TMOD3: variants seen among roughly 807,000 people sequenced by gnomAD.
TMOD3 encodes tropomodulin 3, also known as tropomodulin-3.
A neutral mutation model predicts 39.2 loss-of-function variants in TMOD3; 20 were observed. The observed-to-expected ratio is 0.51, with a 90% CI of 0.36 to 0.74. The LOEUF (loss-of-function observed/expected upper bound fraction) is 0.74. Among genes scored for constraint, TMOD3 ranks in the 30% least tolerant of loss-of-function variants. The pLI is 0.00. For missense variants in TMOD3, 381 were observed against 412.8 expected (o/e 0.92, Z 0.67); for synonymous variants, 143 against 145.8 (o/e 0.98, Z 0.14).
At chr15:51,871,294 A>G (rs1860173990) in intron 3 of TMOD3, among the ~76,000 whole-genome samples, 1 of 152,150 alleles carries the variant, frequency 6.6e-6, no homozygotes, top group Non-Finnish European at 1.5e-5. Context: ...AAAGAAAACT[A>G]CTGGTTATAT....
At chr15:51,899,235 T>C (rs1342606934) in intron 7 of TMOD3, 1 of 152,240 alleles carries the variant, frequency 6.6e-6, no homozygotes. Flanking sequence ...TTGATGAAGT[T>C]GGTCTAACAC....
chr15:51,891,802 C>T (rs2056594929), intron 5 of TMOD3, among the ~76,000 whole-genome samples: 1 of 152,298 alleles, frequency 6.6e-6, no homozygotes, highest in South Asian at 2.1e-4. Flanking sequence ...TGAGAGGGAT[C>T]CCACTCTCTG....
rs1049199391 is a variant in TMOD3, at chr15:51,913,974, C to T, written c.*5164C>T. On this transcript the variant is annotated 3_prime_UTR_variant, in exon 10 of 10. Transcript: ENST00000308580. ...GTTGCAGTAAGATGAGATCATGCTG[C>T]TGTACTCTAGCCTGGGCAATGAGAG... The T allele has an allele frequency of 7.0e-6, 1 of 143,602 alleles. No individual in the cohort carries two copies. The highest frequency in any genetic ancestry group is 2.6e-5 in the African/African-American group (1 of 38,528). The allele number at this position is 143,602 out of a possible 1,614,324, so 8.9% of individuals were successfully genotyped here.
At chr15:51,882,084 G>A (rs181378187) in intron 3 of TMOD3, among the ~76,000 whole-genome samples, 9 of 151,680 alleles carry the variant, frequency 5.9e-5, no homozygotes, top group African/African-American at 2.4e-5. Flanking sequence ...TAGTAGAGGC[G>A]TGGTGTCACC....
At chr15:51,895,279 C>A (rs979755183) in intron 6 of TMOD3, among the ~76,000 whole-genome samples, 1 of 148,212 alleles carries the variant, frequency 6.7e-6, no homozygotes, top group Admixed American at 6.8e-5. Context: ...TGCAGTGGTG[C>A]GATCTTGGCT....
Position 51,908,765 on chromosome 15 carries a change from T to C in TMOD3, c.1025-11T>C, listed in dbSNP as rs1227613345. On this transcript the variant is annotated splice_polypyrimidine_tract_variant and intron_variant, in intron 9 of 9. Coordinates refer to ENST00000308580, the MANE Select transcript of TMOD3 (RefSeq NM_014547.5). ...GGATTTCTAACATAGTTTCTTTTAT[T>C]TTTCTCATAGTGCGTAAGAGACGAG... is the stretch of plus-strand genomic sequence containing the variant. 6.3e-7 allele frequency: 1 copy of C among 1,592,530 alleles called. No individual in the cohort carries two copies. The highest frequency in any genetic ancestry group is 8.5e-7 in the Non-Finnish European group (1 of 1,172,164).
chr15:51,902,655 T>C (rs2959286), intron 9 of TMOD3, among the ~76,000 whole-genome samples: 34 of 127,604 alleles, frequency 2.7e-4, no homozygotes, highest in Admixed American at 2.1e-3. Flanking sequence ...TTTTTTTTTT[T>C]TTTTTTTTTT....
intron 1 of TMOD3, among the ~76,000 whole-genome samples, chr15:51,855,154 T>A (rs2141678375): frequency 6.6e-6 from 1 of 152,316 alleles, no homozygotes; most frequent in Non-Finnish European, 1.5e-5. Context: ...TTCGAAGACT[T>A]TTGAGTTAAA....
chr15:51,894,647 A>G lies in TMOD3; in HGVS notation c.627+702A>G, dbSNP rs558701619. Among the ~76,000 whole-genome samples, 9 of 152,256 alleles carry G rather than the reference A, an allele frequency of 5.9e-5. No homozygotes were observed. In the Middle Eastern group the frequency reaches 0.014, roughly 232 times the overall value. ...TTCCCTATTATTTTGCCTTCTCCAG[A>G]ATGTCATATAAATTGAATCCTATAG... On this transcript the variant is annotated intron_variant, in intron 6 of 9. Coordinates refer to ENST00000308580, the MANE Select transcript of TMOD3 (RefSeq NM_014547.5).
At chr15:51,880,672 T>C (rs1272623691) in intron 3 of TMOD3, among the ~76,000 whole-genome samples, 3 of 152,238 alleles carry the variant, frequency 2.0e-5, no homozygotes, top group Non-Finnish European at 4.4e-5. Flanking sequence ...TTCATTCTTT[T>C]TTATGGCTGA....
At chr15:51,907,432 C>G (rs143152994) in intron 9 of TMOD3, 1 of 152,192 alleles carries the variant, frequency 6.6e-6, no homozygotes, top group African/African-American at 2.4e-5. Flanking sequence ...AGCAAGCACC[C>G]AGCCTATGGC....
chr15:51,894,602 C>T (rs1321369529), intron 6 of TMOD3, among the ~76,000 whole-genome samples: 1 of 152,188 alleles, frequency 6.6e-6, no homozygotes, highest in South Asian at 2.1e-4. Flanking sequence ...TAGCCCCTGA[C>T]AACCACTGAC....
chr15:51,908,833 G>T lies in TMOD3; in HGVS notation c.*23G>T. The T allele has an allele frequency of 6.3e-7, 1 of 1,586,254 alleles. No homozygotes were observed. The highest frequency in any genetic ancestry group is 1.2e-5 in the South Asian group (1 of 84,942). The stretch of plus-strand genomic sequence containing the variant: ...TAAGTCTGCAAAGGTGTAATCTTTG[G>T]AAGACTTCAGAAGATCACCAAGGGC... On this transcript the variant is annotated 3_prime_UTR_variant, in exon 10 of 10. Coordinates refer to ENST00000308580, the MANE Select transcript of TMOD3 (RefSeq NM_014547.5).
At chr15:51,883,394 T>G (rs1193064542) in intron 3 of TMOD3, among the ~76,000 whole-genome samples, 2 of 152,230 alleles carry the variant, frequency 1.3e-5, no homozygotes, top group South Asian at 2.1e-4. Context: ...ATTTTTATGA[T>G]GCTTTAGATT....
chr15:51,876,780 A>T (rs2570259), intron 3 of TMOD3, among the ~76,000 whole-genome samples: 9 of 152,138 alleles, frequency 5.9e-5, no homozygotes, highest in African/African-American at 1.9e-4. Context: ...TTTTTAAAAA[A>T]AAAAATCTTC....
At chr15:51,888,232 C>T (rs956174824) in intron 4 of TMOD3, among the ~76,000 whole-genome samples, 2 of 152,194 alleles carry the variant, frequency 1.3e-5, no homozygotes, top group African/African-American at 4.8e-5. Flanking sequence ...GTATCTTCCC[C>T]TCCCTACCCA....
At chr15:51,835,733 T>C (rs996457061) in intron 1 of TMOD3, among the ~76,000 whole-genome samples, 4 of 152,230 alleles carry the variant, frequency 2.6e-5, no homozygotes, top group African/African-American at 9.6e-5. Context: ...TATTTGCTGA[T>C]AATACACTAA....
intron 1 of TMOD3, chr15:51,860,426 C>T: frequency 1.8e-6 from 1 of 552,900 alleles, no homozygotes. Flanking sequence ...CAGCATGCAT[C>T]AGCTCCATCC....
At chr15:51,839,543 G>A (rs924038911) in intron 1 of TMOD3, among the ~76,000 whole-genome samples, 3 of 151,300 alleles carry the variant, frequency 2.0e-5, no homozygotes, top group Admixed American at 6.6e-5. Flanking sequence ...AGGTATAATA[G>A]TCAATTCAGA....
Sources: allele counts gnomAD v4.1 joint callset (sites outside exome capture counted in the v4.1 genomes callset), GRCh38; gene constraint gnomAD v4.1.1; transcripts MANE v1.5; gene names NCBI Gene and HGNC (gene_info 2026-07-23, HGNC 2026-07-21).